The following PCDHA3 variants were observed in gnomAD, a reference collection of about 807,000 sequenced individuals.
PCDHA3 encodes the protein protocadherin alpha-3.
In PCDHA3, 41 loss-of-function variants were observed where a neutral mutation model predicts 62.2. That is an observed-to-expected ratio of 0.66 (90% confidence interval 0.51 to 0.86). The LOEUF is 0.86. PCDHA3 is among the 40% of genes least tolerant of loss of function. The pLI, the probability that PCDHA3 is intolerant of heterozygous loss-of-function variation, is 0.00. For missense variants in PCDHA3, 1,304 were observed against 1,241.2 expected, an observed-to-expected ratio of 1.05 and a Z score of -0.76; for synonymous variants, 640 against 555.4, an observed-to-expected ratio of 1.15 and a Z score of -2.14.
intron 1 of PCDHA3, chr5:140,861,087 C>T (rs1554154139): frequency 6.6e-6 from 1 of 152,266 alleles, no homozygotes; most frequent in African/African-American, 2.4e-5. Flanking sequence ...AAAGAAGCTC[C>T]ATTGTTCCTG....
At chr5:140,812,204 C>T (rs1765061250) in intron 1 of PCDHA3, 1 of 151,604 alleles carries the variant, frequency 6.6e-6, no homozygotes, top group South Asian at 2.1e-4. Flanking sequence ...TTACTAGTTA[C>T]AGCTTTGTTT....
chr5:140,923,964 C>A (rs1410428693), intron 1 of PCDHA3, among the ~76,000 whole-genome samples: 1 of 152,160 alleles, frequency 6.6e-6, no homozygotes, highest in East Asian at 1.9e-4. Context: ...CTAATCTATA[C>A]CCACACATAC....
Position 140,838,640 on chromosome 5 carries a change from A to G in PCDHA3, c.2394+35049A>G, listed in dbSNP as rs1775814503. On this transcript the variant is annotated intron_variant, in intron 1 of 3. Coordinates refer to ENST00000522353, the MANE Select transcript of PCDHA3 (RefSeq NM_018906.3). ...TTTTTACAAATAATTTGGTTGGTCAAAAAAATGATAGTTAACGGGGCATGG... is the reference window on the plus strand; with the variant it reads ...TTTTTACAAATAATTTGGTTGGTCAGAAAAATGATAGTTAACGGGGCATGG... Among the ~76,000 whole-genome samples, 5 of 152,166 alleles carry G rather than the reference A, an allele frequency of 3.3e-5. 1 individual carries two copies. In the South Asian group the frequency reaches 8.3e-4, roughly 25 times the overall value.
In PCDHA3 at chr5:140,958,013, G is replaced by A. The variant is rs553596138; in HGVS notation, c.2395-20936G>A. 2.6e-5 allele frequency among the ~76,000 whole-genome samples: 4 copies of A among 152,110 alleles called. No individual in the cohort carries two copies. In the South Asian group the frequency reaches 8.3e-4, roughly 32 times the overall value. On this transcript the variant is annotated intron_variant, in intron 1 of 3. Coordinates refer to ENST00000522353, the MANE Select transcript of PCDHA3 (RefSeq NM_018906.3). ...CAGATTTTTTGTTTCAATTCTATCA[G>A]CCAAGTATACTATGCTTTCTTTGCT...
chr5:140,915,373 C>T (rs1234241584), intron 1 of PCDHA3, among the ~76,000 whole-genome samples: 12 of 152,126 alleles, frequency 7.9e-5, no homozygotes, highest in African/African-American at 2.2e-4. Flanking sequence ...GTAAGTGTCT[C>T]GGCATTGAAG....
chr5:140,802,906 T>A lies in PCDHA3; in HGVS notation c.1709T>A (p.Val570Glu). 6.2e-7 allele frequency: 1 copy of A among 1,613,704 alleles called. No homozygotes were observed. Among genetic ancestry groups the A allele is most frequent in the Non-Finnish European group, 8.5e-7 (1 of 1,179,880 alleles). Residue 570 changes from valine (V) to glutamate (E), a missense_variant, in exon 1 of 4, where the codon GTG (valine) becomes GAG (glutamate). Transcript: ENST00000522353. ...GCGCCGGCACTGCTGATGCCTCGGG[T>A]GGGTGGCATCGGTGGCGCAGTGAGC... ...DNAPALLMPR[V>E]GGIGGAVSEL...
At chr5:140,907,534 T>G (rs2073435289) in intron 1 of PCDHA3, among the ~76,000 whole-genome samples, 1 of 152,204 alleles carries the variant, frequency 6.6e-6, no homozygotes, top group African/African-American at 2.4e-5. Flanking sequence ...CGCTGCCCTT[T>G]CTATGATGGA....
rs183895134 is a variant in PCDHA3, at chr5:140,837,381, G to A, written c.2394+33790G>A. Among the ~76,000 whole-genome samples the A allele has an allele frequency of 4.0e-3, 608 of 151,774 alleles. 11 individuals carry two copies. Among genetic ancestry groups the A allele is most frequent in the African/African-American group, 0.014 (587 of 41,372 alleles). On this transcript the variant is annotated intron_variant, in intron 1 of 3. Transcript: ENST00000522353. ...GCAGTTTAATAGTATTTTTTATTTTGTTCCTTGTTTGTATAAGAAATATAT... is the reference window on the plus strand; with the variant it reads ...GCAGTTTAATAGTATTTTTTATTTTATTCCTTGTTTGTATAAGAAATATAT...
chr5:140,801,585 G>T lies in PCDHA3; in HGVS notation c.388G>T (p.Ala130Ser). 1 of 1,614,216 alleles carries T rather than the reference G, an allele frequency of 6.2e-7. No homozygotes were observed. Among genetic ancestry groups the T allele is most frequent in the Non-Finnish European group, 8.5e-7 (1 of 1,180,030 alleles). ...EVEVKDINDNAPVFPMAVKNL... is the reference protein window; with the variant it reads ...EVEVKDINDNSPVFPMAVKNL... ...GGAAGTGAAGGACATTAATGACAACGCGCCAGTTTTTCCAATGGCTGTAAA... is the reference window on the plus strand; with the variant it reads ...GGAAGTGAAGGACATTAATGACAACTCGCCAGTTTTTCCAATGGCTGTAAA... The change falls in exon 1 of 4, where the codon GCG (alanine) becomes TCG (serine). Residue 130 changes from alanine to serine, a missense_variant. Ala to Ser is a moderately conservative substitution (Grantham distance 99, BLOSUM62 1). Coordinates refer to ENST00000522353, the MANE Select transcript of PCDHA3 (RefSeq NM_018906.3).
intron 1 of PCDHA3, among the ~76,000 whole-genome samples, chr5:140,880,366 C>A (rs2058318245): frequency 6.6e-6 from 1 of 152,052 alleles, no homozygotes; most frequent in African/African-American, 2.4e-5. Flanking sequence ...AGATGAAAAC[C>A]ATGAGAGAAT....
At chr5:141,000,422 T>TATC (rs1491457105) in intron 3 of PCDHA3, among the ~76,000 whole-genome samples, 2 of 51,852 alleles carry the variant, frequency 3.9e-5, no homozygotes, top group African/African-American at 1.7e-4. Context: ...TATATATATA[T>TATC]TTTTTTTTTT....
intron 1 of PCDHA3, among the ~76,000 whole-genome samples, chr5:140,964,392 C>A (rs2095829219): frequency 6.6e-6 from 1 of 152,072 alleles, no homozygotes; most frequent in African/African-American, 2.4e-5. Flanking sequence ...GGTTTTTCTC[C>A]CAAGACATGA....
intron 1 of PCDHA3, chr5:140,926,750 G>T: frequency 8.0e-7 from 1 of 1,256,516 alleles, no homozygotes; most frequent in East Asian, 2.9e-5. Context: ...AACGTCGGCG[G>T]TCGCTGAGTA....
In PCDHA3 at chr5:140,856,939, G is replaced by A. The variant is rs1554149308; in HGVS notation, c.2394+53348G>A. The stretch of plus-strand genomic sequence containing the variant: ...GAAGGAAATTTTGGATAAACGAAAG[G>A]ACGGGAGAAATAAAAGTAAATGATG... On this transcript the variant is annotated intron_variant, in intron 1 of 3. Coordinates refer to ENST00000522353, the MANE Select transcript of PCDHA3 (RefSeq NM_018906.3). 1.9e-6 allele frequency: 3 copies of A among 1,593,866 alleles called. No homozygotes were observed. The East Asian group carries it at 6.7e-5, about 36-fold the overall frequency.
At chr5:140,975,307 A>G (rs1190412792) in intron 1 of PCDHA3, among the ~76,000 whole-genome samples, 1 of 152,162 alleles carries the variant, frequency 6.6e-6, no homozygotes, top group Non-Finnish European at 1.5e-5. Context: ...AGCTCATGTG[A>G]TTATGTCAGT....
intron 1 of PCDHA3, chr5:140,810,983 G>A (rs1476583149): frequency 6.6e-6 from 1 of 151,936 alleles, no homozygotes; most frequent in Non-Finnish European, 1.5e-5. Flanking sequence ...TGTGAGGTAG[G>A]GGTCAAGATT....
chr5:140,834,456 G>A (rs2150218651), intron 1 of PCDHA3: 5 of 1,614,148 alleles, frequency 3.1e-6, no homozygotes, highest in Non-Finnish European at 4.2e-6. Context: ...AGCAGCTTGG[G>A]AGGCAGGGAG....
At chr5:140,858,356 T>G (rs782216764) in intron 1 of PCDHA3, 1 of 1,593,100 alleles carries the variant, frequency 6.3e-7, no homozygotes, top group Non-Finnish European at 8.6e-7. Context: ...CCTCATGGCC[T>G]TCAGCCCCAG....
chr5:140,952,712 C>A (rs567610262), intron 1 of PCDHA3, among the ~76,000 whole-genome samples: 3 of 152,298 alleles, frequency 2.0e-5, no homozygotes, highest in Middle Eastern at 3.4e-3. Context: ...CTCTCAGTAT[C>A]AATTTTCTGT....
Sources: allele counts gnomAD v4.1 joint callset (sites outside exome capture counted in the v4.1 genomes callset), GRCh38; gene constraint gnomAD v4.1.1; transcripts MANE v1.5; gene names NCBI Gene and HGNC (gene_info 2026-07-23, HGNC 2026-07-21).